Variants in DCAF5 observed in about 807,000 individuals in gnomAD.
DCAF5 encodes DDB1- and CUL4-associated factor 5.
DCAF5 carries 9 observed loss-of-function variants against 80.7 expected under a neutral mutation model. The ratio of observed to expected loss-of-function variants is 0.11; its 90% CI spans 0.07 to 0.19. The LOEUF is 0.19. Among genes scored for constraint, DCAF5 ranks in the 10% least tolerant of loss-of-function variants. DCAF5 has a pLI of 1.00. For synonymous variants in DCAF5, 433 were observed against 461.9 expected (o/e 0.94, Z 0.80); for missense variants, 842 against 1,205.7 (o/e 0.70, Z 4.47).
intron 5 of DCAF5, among the ~76,000 whole-genome samples, chr14:69,112,467 G>A (rs1002872520): frequency 6.6e-6 from 1 of 152,000 alleles, no homozygotes; most frequent in African/African-American, 2.4e-5. Flanking sequence ...GGGTGTGGTG[G>A]CTCATGCCTA....
At chr14:69,059,525 A>G (rs2038120303) in intron 8 of DCAF5, among the ~76,000 whole-genome samples, 1 of 152,244 alleles carries the variant, frequency 6.6e-6, no homozygotes, top group African/African-American at 2.4e-5. Context: ...AGTCACTGTC[A>G]GCACCCTCAC....
At chr14:69,114,356 T>C (rs1165516924) in intron 5 of DCAF5, among the ~76,000 whole-genome samples, 1 of 152,138 alleles carries the variant, frequency 6.6e-6, no homozygotes, top group Non-Finnish European at 1.5e-5. Context: ...ATCATATAAA[T>C]TGAATGCCAT....
intron 6 of DCAF5, chr14:69,084,998 C>A: frequency 7.3e-7 from 1 of 1,377,548 alleles, no homozygotes. Flanking sequence ...TTCTTCACTA[C>A]CTGAAATGAT....
At chr14:69,083,848 G>A in intron 6 of DCAF5, 2 of 743,390 alleles carry the variant, frequency 2.7e-6, no homozygotes, top group Non-Finnish European at 5.0e-6. Context: ...GAAGCCAGAT[G>A]ATGAAGATGA....
At position 69,121,078 on chromosome 14, in the gene DCAF5, C is replaced by A. The variant is rs2040703959; in HGVS notation, c.358+1139G>T. Among the ~76,000 whole-genome samples the A allele has an allele frequency of 2.0e-5, 3 of 152,268 alleles. No individual in the cohort carries two copies. In the South Asian group the frequency reaches 6.2e-4, roughly 32 times the overall value. Reference sequence around the variant, plus strand: ...CAAAAGGCACAAGGGCAAAATAGTACCATGCAGTGCATTCTTAAAATGACA... The same window carrying A: ...CAAAAGGCACAAGGGCAAAATAGTAACATGCAGTGCATTCTTAAAATGACA... On this transcript the variant is annotated intron_variant, in intron 2 of 8. Coordinates refer to ENST00000341516, the MANE Select transcript of DCAF5 (RefSeq NM_003861.3).
At chr14:69,115,510 T>C (rs867657776) in intron 5 of DCAF5, among the ~76,000 whole-genome samples, 1 of 152,198 alleles carries the variant, frequency 6.6e-6, no homozygotes, top group African/African-American at 2.4e-5. Context: ...CACTGCTTTA[T>C]GAAGTGGGAA....
At chr14:69,128,129 T>C (rs1205239067) in intron 1 of DCAF5, among the ~76,000 whole-genome samples, 2 of 152,006 alleles carry the variant, frequency 1.3e-5, no homozygotes, top group African/African-American at 2.4e-5. Flanking sequence ...ATATGGACAA[T>C]TGCTATAGAT....
chr14:69,113,014 A>G (rs779210816), intron 5 of DCAF5, among the ~76,000 whole-genome samples: 2 of 152,012 alleles, frequency 1.3e-5, no homozygotes, highest in South Asian at 4.1e-4. Context: ...AGTCTTCTTT[A>G]GAGCTGACAT....
intron 7 of DCAF5, among the ~76,000 whole-genome samples, chr14:69,066,873 A>G (rs2038464197): frequency 6.6e-6 from 1 of 152,180 alleles, no homozygotes; most frequent in Admixed American, 6.5e-5. Flanking sequence ...TTTAGTGTCA[A>G]GTTCATTTGC....
At chr14:69,087,482 A>G (rs2039379226) in intron 6 of DCAF5, among the ~76,000 whole-genome samples, 1 of 152,212 alleles carries the variant, frequency 6.6e-6, no homozygotes, top group African/African-American at 2.4e-5. Flanking sequence ...AAAAAGTAAA[A>G]AAGTGTAAGC....
chr14:69,054,776 G>C lies in DCAF5; in HGVS notation c.1910C>G (p.Thr637Ser), dbSNP rs778586170. The C allele has an allele frequency of 1.9e-6, 3 of 1,614,266 alleles. No homozygotes were observed. In the South Asian group the frequency reaches 3.3e-5, roughly 18 times the overall value. ...GCTTGGTTGAATCTCTAGCGTGGAA[G>C]TGCTCCGCTCAGGGGACGAGGTTGG... ...SSPTSSPERS[T>S]STLEIQPSRA... The change falls in exon 9 of 9, where the codon ACT becomes AGT. Residue 637 changes from threonine to serine, a missense_variant. By Grantham distance (58) the Thr-to-Ser change is moderately conservative (BLOSUM62 1). This residue lies in a region of DCAF5 where 607 missense variants were observed against 656.6 expected (regional missense o/e 0.92). Transcript: ENST00000341516.
At chr14:69,098,727 CAAAAAAAAAAAAAAAA>C (rs35501979) in intron 5 of DCAF5, among the ~76,000 whole-genome samples, 1 of 92,524 alleles carries the variant, frequency 1.1e-5, no homozygotes, top group Non-Finnish European at 2.0e-5. Context: ...ACTAAAAATA[CAAAAAAAAAAAAAAAA>C]AAAAATTAGC....
At chr14:69,125,947 A>C (rs1228414578) in intron 1 of DCAF5, among the ~76,000 whole-genome samples, 1 of 152,188 alleles carries the variant, frequency 6.6e-6, no homozygotes, top group Non-Finnish European at 1.5e-5. Flanking sequence ...CTTTAAAAAA[A>C]AATACAGAAG....
chr14:69,083,756 C>T (rs888446942), intron 6 of DCAF5: 5 of 669,976 alleles, frequency 7.5e-6, no homozygotes, highest in East Asian at 2.6e-5. Flanking sequence ...GAGTCTGATA[C>T]AAAAAAAGCA....
At chr14:69,142,376 A>G (rs1407066294) in intron 1 of DCAF5, among the ~76,000 whole-genome samples, 1 of 152,210 alleles carries the variant, frequency 6.6e-6, no homozygotes, top group African/African-American at 2.4e-5. Context: ...ATTTAAGAAA[A>G]CTGACAGGAA....
At position 69,054,150 on chromosome 14, in the gene DCAF5, T is replaced by C. The variant is rs2037857752; in HGVS notation, c.2536A>G (p.Asn846Asp). 1.2e-6 allele frequency: 2 copies of C among 1,614,224 alleles called. No homozygotes were observed. Among genetic ancestry groups the C allele is most frequent in the South Asian group, 1.1e-5 (1 of 91,086 alleles). The change falls in exon 9 of 9, where the codon AAT becomes GAT. Residue 846 changes from asparagine (N) to aspartate (D), a missense_variant. Asn to Asp is a conservative substitution (Grantham distance 23, BLOSUM62 1). This residue lies in a region of DCAF5 where 607 missense variants were observed against 656.6 expected (regional missense o/e 0.92). Coordinates refer to ENST00000341516, the MANE Select transcript of DCAF5 (RefSeq NM_003861.3). ...RLHPRPPHPH[N>D]NGQNLGELEV... ...AGCTCCCCCAAGTTCTGCCCGTTAT[T>C]GTGAGGGTGAGGGGGACGAGGGTGT...
At chr14:69,123,582 G>A (rs1383642629) in intron 1 of DCAF5, among the ~76,000 whole-genome samples, 1 of 152,174 alleles carries the variant, frequency 6.6e-6, no homozygotes, top group Non-Finnish European at 1.5e-5. Flanking sequence ...GTGGCATTAA[G>A]TACATTTGTG....
rs60440875 is a variant in DCAF5, at chr14:69,078,778, CAG to C, written c.880-3369_880-3368del. ...AAATGGGGAGTTGATGTTTAGTGGG[CAG>C]AGAGTTTCAGTTTGAGATGAAGAAG... On this transcript the variant is annotated intron_variant, in intron 6 of 8. Coordinates refer to ENST00000341516, the MANE Select transcript of DCAF5 (RefSeq NM_003861.3). 3.1e-3 allele frequency among the ~76,000 whole-genome samples: 468 copies of C among 152,166 alleles called. 2 individuals carry two copies. The highest frequency in any genetic ancestry group is 0.011 in the African/African-American group (442 of 41,510).
Position 69,091,781 on chromosome 14 carries a change from C to T in DCAF5, c.772G>A (p.Val258Met). 1 of 1,614,138 alleles carries T rather than the reference C, an allele frequency of 6.2e-7. No individual in the cohort carries two copies. Reference protein sequence around the residue: ...LLALRRRLPPVLYDIHSRLPV... With the variant: ...LLALRRRLPPMLYDIHSRLPV... ...AGGCGGGAATGGATGTCATAGAGCACAGGGGGCAGGCGTCGCCTCAGGGCC... is the reference window on the plus strand; with the variant it reads ...AGGCGGGAATGGATGTCATAGAGCATAGGGGGCAGGCGTCGCCTCAGGGCC... The change falls in exon 6 of 9, where the codon GTG becomes ATG. Residue 258 changes from valine (V) to methionine (M), a missense_variant. This residue lies in a region of DCAF5 where 142 missense variants were observed against 311.9 expected (regional missense o/e 0.46). Coordinates refer to ENST00000341516, the MANE Select transcript of DCAF5 (RefSeq NM_003861.3).
Sources: gnomAD v4.1 joint callset for allele counts (sites outside exome capture counted in the v4.1 genomes callset) on GRCh38, gnomAD v4.1.1 for gene constraint, gnomAD v4.1.1 regional missense constraint, MANE v1.5 for transcripts, NCBI Gene and HGNC (gene_info 2026-07-23, HGNC 2026-07-21) for gene names.